Variants in FAM169A observed in about 807,000 individuals in gnomAD.
FAM169A encodes family with sequence similarity 169 member A.
Under a neutral mutation model 75.7 loss-of-function variants are expected in FAM169A, and 24 were observed. That is an observed-to-expected ratio of 0.32 (90% CI 0.23 to 0.45). The LOEUF is 0.45. Ranked by LOEUF, FAM169A falls within the 20% of genes least tolerant of loss-of-function variation. The pLI, the probability that FAM169A is intolerant of heterozygous loss-of-function variation, is 1.00. For missense variants in FAM169A, 673 were observed against 784.0 expected, an observed-to-expected ratio of 0.86 and a Z score of 1.69; for synonymous variants, 271 against 271.0, an observed-to-expected ratio of 1.00 and a Z score of 0.00.
At chr5:74,815,656 GT>G (rs1747433106) in intron 5 of FAM169A, among the ~76,000 whole-genome samples, 1 of 152,176 alleles carries the variant, frequency 6.6e-6, no homozygotes, top group East Asian at 1.9e-4. Flanking sequence ...TTCCCAGACA[GT>G]TAAGGCATTC....
chr5:74,819,617 G>A (rs1747667971), intron 5 of FAM169A, among the ~76,000 whole-genome samples: 1 of 152,100 alleles, frequency 6.6e-6, no homozygotes, highest in African/African-American at 2.4e-5. Context: ...TATCAGCATT[G>A]TTCAAAATAG....
chr5:74,799,330 G>A, intron 10 of FAM169A: 1 of 1,605,962 alleles, frequency 6.2e-7, no homozygotes, highest in Non-Finnish European at 8.5e-7. Flanking sequence ...CAAATTTGCT[G>A]TGGGAAGTGA....
chr5:74,781,637 C>G lies in FAM169A; in HGVS notation c.1836G>C (p.Glu612Asp), dbSNP rs1745415145. The G allele has an allele frequency of 6.2e-7, 1 of 1,614,008 alleles. No homozygotes were observed. The highest frequency in any genetic ancestry group is 1.3e-5 in the African/African-American group (1 of 74,922). Reference sequence around the variant, plus strand: ...GCTCGGAAGATGCTTCAGACTGCTCCTCTGACTGATTCTTCTGTCCTGCAT... The same window carrying G: ...GCTCGGAAGATGCTTCAGACTGCTCGTCTGACTGATTCTTCTGTCCTGCAT... ...SQNAGQKNQS[E>D]EQSEASSEQL... Residue 612 changes from glutamate to aspartate, a missense_variant, in exon 13 of 13, where the codon GAG becomes GAC. Glu to Asp is a conservative substitution (Grantham distance 45). Transcript: ENST00000687041.
intron 11 of FAM169A, among the ~76,000 whole-genome samples, chr5:74,787,515 A>C (rs1745756035): frequency 6.6e-6 from 1 of 152,120 alleles, no homozygotes; most frequent in South Asian, 2.1e-4. Context: ...TGCGAAAGAG[A>C]TTTGTGAGGG....
At chr5:74,844,059 T>C (rs1174841373) in intron 1 of FAM169A, among the ~76,000 whole-genome samples, 1 of 151,780 alleles carries the variant, frequency 6.6e-6, no homozygotes, top group East Asian at 1.9e-4. Context: ...TGACATGGAG[T>C]TTATAGAAAA....
intron 1 of FAM169A, among the ~76,000 whole-genome samples, chr5:74,851,176 G>A (rs746499273): frequency 1.3e-5 from 2 of 152,222 alleles, no homozygotes; most frequent in Non-Finnish European, 2.9e-5. Flanking sequence ...GAAGGAAGAA[G>A]AGAGAGGGCC....
intron 1 of FAM169A, among the ~76,000 whole-genome samples, chr5:74,850,558 A>T (rs750461904): frequency 4.6e-5 from 7 of 152,190 alleles, no homozygotes; most frequent in Non-Finnish European, 8.8e-5. Context: ...TGGTTAAGGG[A>T]GTGTATTCTT....
chr5:74,810,661 A>C (rs1747131796), intron 6 of FAM169A, among the ~76,000 whole-genome samples: 1 of 149,464 alleles, frequency 6.7e-6, no homozygotes, highest in African/African-American at 2.5e-5. Flanking sequence ...GAGGCAGGAG[A>C]ATGGTGTGAA....
intron 10 of FAM169A, among the ~76,000 whole-genome samples, chr5:74,796,631 C>T (rs547357724): frequency 2.0e-5 from 3 of 152,078 alleles, no homozygotes; most frequent in African/African-American, 7.2e-5. Context: ...GTCTCCACCT[C>T]GTGACCTCGT....
chr5:74,790,161 C>G (rs970696802), intron 11 of FAM169A, among the ~76,000 whole-genome samples: 1 of 152,164 alleles, frequency 6.6e-6, no homozygotes, highest in Admixed American at 6.5e-5. Context: ...CTAGCCTGCA[C>G]CGATGGCCTT....
intron 11 of FAM169A, among the ~76,000 whole-genome samples, chr5:74,785,212 G>A (rs1328973068): frequency 5.3e-5 from 8 of 151,990 alleles, no homozygotes; most frequent in East Asian, 1.9e-4. Flanking sequence ...CCAGGTACTC[G>A]GGAGGCTGAG....
intron 5 of FAM169A, among the ~76,000 whole-genome samples, chr5:74,829,910 T>C (rs1386684232): frequency 6.6e-6 from 1 of 151,752 alleles, no homozygotes; most frequent in Non-Finnish European, 1.5e-5. Flanking sequence ...GAGGCAGAGG[T>C]TGAAGTTAGC....
At chr5:74,790,160 ACC>A (rs776831314) in intron 11 of FAM169A, among the ~76,000 whole-genome samples, 6 of 152,180 alleles carry the variant, frequency 3.9e-5, no homozygotes, top group South Asian at 2.1e-4. Flanking sequence ...CCTAGCCTGC[ACC>A]GATGGCCTTA....
intron 12 of FAM169A, among the ~76,000 whole-genome samples, chr5:74,782,366 T>C (rs952109060): frequency 6.6e-6 from 1 of 152,178 alleles, no homozygotes; most frequent in Admixed American, 6.5e-5. Flanking sequence ...CAAAAATACC[T>C]TGGGACTTCA....
intron 6 of FAM169A, among the ~76,000 whole-genome samples, chr5:74,812,093 A>T (rs1161016480): frequency 1.3e-5 from 2 of 152,218 alleles, no homozygotes; most frequent in Non-Finnish European, 2.9e-5. Flanking sequence ...ACATGCTGAC[A>T]TAGTACATGA....
intron 10 of FAM169A, chr5:74,799,168 G>A (rs1746434190): frequency 9.1e-7 from 1 of 1,099,276 alleles, no homozygotes; most frequent in Admixed American, 1.7e-5. Context: ...CACAGATATT[G>A]ACTGGGCTCC....
intron 5 of FAM169A, among the ~76,000 whole-genome samples, chr5:74,829,928 G>A (rs970982589): frequency 5.9e-5 from 9 of 152,008 alleles, no homozygotes; most frequent in South Asian, 2.1e-4. Context: ...AGCCGAGGTC[G>A]TGCCACTGTA....
chr5:74,785,349 G>A (rs966098317), intron 11 of FAM169A, among the ~76,000 whole-genome samples: 9 of 152,068 alleles, frequency 5.9e-5, no homozygotes, highest in Admixed American at 2.6e-4. Flanking sequence ...CCACAAATAC[G>A]TATTTCCATA....
Position 74,799,183 on chromosome 5 carries a change from C to A in FAM169A, c.1103+1697G>T, listed in dbSNP as rs551437744. 9 of 1,173,468 alleles carry A rather than the reference C, an allele frequency of 7.7e-6. No individual in the cohort carries two copies. In the African/African-American group the frequency reaches 1.4e-4, roughly 18 times the overall value. The allele number at this position is 1,173,468 out of a possible 1,614,324, so 72.7% of individuals were successfully genotyped here. A position where few individuals can be genotyped will look rare whatever the true frequency, so the allele number is the denominator to read the frequency against. ...CACAGATATTGACTGGGCTCCCAAG[C>A]ATGACCACATCGTCACTTGTGGGGC... is the stretch of plus-strand genomic sequence containing the variant. On this transcript the variant is annotated intron_variant, in intron 10 of 12. Coordinates refer to ENST00000687041, the MANE Select transcript of FAM169A (RefSeq NM_001376049.1).
Sources: allele counts gnomAD v4.1 joint callset (sites outside exome capture counted in the v4.1 genomes callset), GRCh38; gene constraint gnomAD v4.1.1; transcripts MANE v1.5; gene names NCBI Gene and HGNC (gene_info 2026-07-23, HGNC 2026-07-21).